Variants in TPO observed in about 807,000 individuals in gnomAD.
TPO encodes thyroid peroxidase, also known as thyroid microsomal antigen.
A neutral mutation model predicts 96.9 loss-of-function variants in TPO; 78 were observed. The observed-to-expected ratio is 0.81, with a 90% CI of 0.67 to 0.97. The LOEUF (loss-of-function observed/expected upper bound fraction) is 0.97, where lower values mean the gene tolerates loss of function less well. TPO is among the 50% of genes least tolerant of loss of function. The probability of loss-of-function intolerance (pLI) is 0.00; values close to 1 mark genes in which losing one functional copy is unlikely to be tolerated. For synonymous variants in TPO, 547 were observed against 538.0 expected, an observed-to-expected ratio of 1.02 and a Z score of -0.23; for missense variants, 1,252 against 1,274.8, an observed-to-expected ratio of 0.98 and a Z score of 0.27.
intron 3 of TPO, among the ~76,000 whole-genome samples, chr2:1,430,946 T>C (rs368540260): frequency 6.6e-6 from 1 of 152,226 alleles, no homozygotes; most frequent in Non-Finnish European, 1.5e-5. Flanking sequence ...GATGAGACTT[T>C]GGACTTGGGA....
chr2:1,525,358 CT>C (rs1676196724), intron 15 of TPO, among the ~76,000 whole-genome samples: 1 of 134,128 alleles, frequency 7.5e-6, no homozygotes, highest in African/African-American at 2.8e-5. Flanking sequence ...TCCACCAAAT[CT>C]CCCCCACTGT....
In TPO at chr2:1,494,019, G is replaced by T; in HGVS notation, c.1986G>T (p.Lys662Asn). Reference sequence around the variant, plus strand: ...CCTGTCTCATTGGGAAGCAGATGAAGGCTCTGCGGGACGGTGACTGGTACG... The same window carrying T: ...CCTGTCTCATTGGGAAGCAGATGAATGCTCTGCGGGACGGTGACTGGTACG... ...LFACLIGKQM[K>N]ALRDGDWFWW... Residue 662 changes from lysine (K) to asparagine (N), a missense_variant, in exon 11 of 17, where the codon AAG becomes AAT. By Grantham distance (94) the Lys-to-Asn change is moderately conservative. Coordinates refer to ENST00000329066, the MANE Select transcript of TPO (RefSeq NM_001206744.2). The T allele has an allele frequency of 6.2e-7, 1 of 1,614,140 alleles. No individual in the cohort carries two copies. The highest frequency in any genetic ancestry group is 1.1e-5 in the South Asian group (1 of 91,088).
chr2:1,531,370 CG>C (rs1558425381), intron 15 of TPO, among the ~76,000 whole-genome samples: 24 of 88,944 alleles, frequency 2.7e-4, no homozygotes, highest in Middle Eastern at 6.1e-3. Flanking sequence ...CAAATCCTCC[CG>C]ACTCTGTGCA....
At chr2:1,437,158 A>C (rs1427000048) in intron 5 of TPO, among the ~76,000 whole-genome samples, 1 of 152,198 alleles carries the variant, frequency 6.6e-6, no homozygotes. Flanking sequence ...AGGGTAGAGA[A>C]GAGGGCTTTG....
chr2:1,481,783 T>G (rs576420683), intron 8 of TPO, among the ~76,000 whole-genome samples: 21 of 152,334 alleles, frequency 1.4e-4, no homozygotes, highest in African/African-American at 4.8e-4. Context: ...CCCCTTTATC[T>G]GCAGGGCCCC....
At chr2:1,517,544 C>G (rs566529758) in intron 15 of TPO, among the ~76,000 whole-genome samples, 2 of 151,922 alleles carry the variant, frequency 1.3e-5, no homozygotes, top group East Asian at 3.9e-4. Context: ...CCTGAGGAAC[C>G]GGCTCTGTTC....
At chr2:1,409,362 A>G (rs187676016), upstream of TPO, among the ~76,000 whole-genome samples, 12 of 152,326 alleles carry the variant, frequency 7.9e-5, no homozygotes, top group African/African-American at 2.9e-4. Context: ...TAAACTGGGA[A>G]ATTACCTACC....
intron 2 of TPO, among the ~76,000 whole-genome samples, chr2:1,416,448 T>G (rs1029258250): frequency 1.3e-5 from 2 of 152,268 alleles, no homozygotes; most frequent in Admixed American, 1.3e-4. Flanking sequence ...TGTAACATGT[T>G]TTTTAATTTT....
At position 1,487,917 on chromosome 2, in the gene TPO, T is replaced by C. The variant is rs773813701; in HGVS notation, c.1694T>C (p.Phe565Ser). Residue 565 changes from phenylalanine to serine, a missense_variant, in exon 10 of 17, where the codon TTT becomes TCT. Phe to Ser is a radical substitution (Grantham distance 155). Coordinates refer to ENST00000329066, the MANE Select transcript of TPO (RefSeq NM_001206744.2). Reference sequence around the variant, plus strand: ...AACGAGGAGCTGACGGAAAGGCTCTTTGTGCTGTCCAATTCCAGCACCTTG... The same window carrying C: ...AACGAGGAGCTGACGGAAAGGCTCTCTGTGCTGTCCAATTCCAGCACCTTG... ...LMNEELTERL[F>S]VLSNSSTLDL... The C allele has an allele frequency of 1.2e-6, 2 of 1,614,202 alleles. No individual in the cohort carries two copies. The highest frequency in any genetic ancestry group is 1.7e-6 in the Non-Finnish European group (2 of 1,180,044).
chr2:1,386,992 A>C (rs12105555), intron 1 of TPO, among the ~76,000 whole-genome samples: 8,796 of 152,196 alleles, frequency 0.058, 671 homozygotes, highest in East Asian at 0.31. Flanking sequence ...GCTGGATCTG[A>C]AATTCTGGGT....
intron 14 of TPO, among the ~76,000 whole-genome samples, chr2:1,511,772 C>G (rs960313813): frequency 6.6e-6 from 1 of 152,188 alleles, no homozygotes; most frequent in Non-Finnish European, 1.5e-5. Flanking sequence ...GCAATTACCT[C>G]CTCAAATGCT....
intron 5 of TPO, among the ~76,000 whole-genome samples, chr2:1,442,884 TTTCTTCAAAGAGTCTGAGTCTTGA>T (rs1467325037): frequency 6.6e-6 from 1 of 152,224 alleles, no homozygotes; most frequent in Non-Finnish European, 1.5e-5. Context: ...TTGAAGCCCC[TTTCTTCAAAGAGTCTGAGTCTTGA>T]TTCTTGAAGA....
intron 14 of TPO, among the ~76,000 whole-genome samples, chr2:1,512,728 G>A (rs1055623678): frequency 2.0e-5 from 3 of 152,202 alleles, no homozygotes; most frequent in African/African-American, 2.4e-5. Context: ...CCAGGCCGCC[G>A]GTGGAGCCTG....
At chr2:1,453,519 C>T (rs1224292361) in intron 5 of TPO, among the ~76,000 whole-genome samples, 175 bp from the exon 6 acceptor site, 1 of 152,276 alleles carries the variant, frequency 6.6e-6, no homozygotes, top group East Asian at 1.9e-4. Flanking sequence ...TCCCTTGAAG[C>T]CAGTCATGAC....
At chr2:1,400,627 A>T (rs1662153436) in intron 1 of TPO, among the ~76,000 whole-genome samples, 1 of 151,776 alleles carries the variant, frequency 6.6e-6, no homozygotes, top group South Asian at 2.1e-4. Flanking sequence ...GTCTCAAAAA[A>T]AAAAAAAACA....
chr2:1,456,174 C>T lies in TPO; in HGVS notation c.711C>T (p.Ile237=), dbSNP rs756113203. Residue 237 remains isoleucine (I), a synonymous_variant, in exon 7 of 17, where the codon ATC becomes ATT. Transcript: ENST00000329066. ...TCCTGATGGCATGGGGACAATACAT[C>T]GACCACGACATCGCGTTCACACCAC... The part of the protein sequence containing the change: ...SDLLMAWGQY[I]DHDIAFTPQS... 9 of 1,614,078 alleles carry T rather than the reference C, an allele frequency of 5.6e-6. No homozygotes were observed. Among genetic ancestry groups the T allele is most frequent in the East Asian group, 4.5e-5 (2 of 44,890 alleles).
chr2:1,410,004 G>A (rs1662305552), upstream of TPO, among the ~76,000 whole-genome samples: 1 of 151,818 alleles, frequency 6.6e-6, no homozygotes, highest in Non-Finnish European at 1.5e-5. Context: ...GTGCCGTGAG[G>A]GGCAGAAAGA....
chr2:1,413,294 T>C (rs1662552470), upstream of TPO, among the ~76,000 whole-genome samples: 1 of 152,192 alleles, frequency 6.6e-6, no homozygotes, highest in Non-Finnish European at 1.5e-5. Flanking sequence ...CCCGATGACA[T>C]GGCACTTTGT....
chr2:1,524,646 C>T (rs1205542723), intron 15 of TPO, among the ~76,000 whole-genome samples: 4 of 107,682 alleles, frequency 3.7e-5, no homozygotes, highest in Admixed American at 1.9e-4. Context: ...CTACTGCCTG[C>T]AACCTCCTCA....
Sources: gnomAD v4.1 joint callset for allele counts (sites outside exome capture counted in the v4.1 genomes callset) on GRCh38, gnomAD v4.1.1 for gene constraint, MANE v1.5 for transcripts, NCBI Gene and HGNC (gene_info 2026-07-23, HGNC 2026-07-21) for gene names.